The following ATRNL1 variants were observed in gnomAD, a reference collection of about 807,000 sequenced individuals.
The protein encoded by ATRNL1 is attractin-like protein 1.
Under a neutral mutation model 182.7 loss-of-function variants are expected in ATRNL1, and 95 were observed. The observed-to-expected ratio is 0.52, with a 90% CI of 0.44 to 0.62. The LOEUF (loss-of-function observed/expected upper bound fraction) is 0.62. ATRNL1 is among the 20% of genes least tolerant of loss of function. The pLI is 0.00. For synonymous variants in ATRNL1, 576 were observed against 568.3 expected (o/e 1.01, Z -0.19); for missense variants, 1,471 against 1,679.5 (o/e 0.88, Z 2.17).
intron 27 of ATRNL1, among the ~76,000 whole-genome samples, chr10:115,844,554 T>A (rs1302519422): frequency 6.6e-6 from 1 of 152,000 alleles, no homozygotes; most frequent in Non-Finnish European, 1.5e-5. Context: ...TAGAAAGCAT[T>A]TAATATAGAA....
chr10:115,412,250 T>C (rs1224555147), intron 20 of ATRNL1, among the ~76,000 whole-genome samples: 4 of 152,080 alleles, frequency 2.6e-5, no homozygotes, highest in African/African-American at 7.2e-5. Context: ...ACCAAGGCCC[T>C]CGGTCCTATA....
In ATRNL1 at chr10:115,515,601, T is replaced by C. The variant is rs1203037024; in HGVS notation, c.3655-3662T>C. ...TGTTTATTGTCTTCTTTTTAAAATG[T>C]TCTATGGATTAAAAATATATTTTAA... On this transcript the variant is annotated intron_variant, in intron 24 of 28. Transcript: ENST00000355044. 3.9e-5 allele frequency among the ~76,000 whole-genome samples: 6 copies of C among 151,942 alleles called. 1 individual carries two copies. The highest frequency in any genetic ancestry group is 1.4e-4 in the African/African-American group (6 of 41,430).
chr10:115,905,387 ATT>A (rs112510400), intron 28 of ATRNL1, among the ~76,000 whole-genome samples: 3 of 142,300 alleles, frequency 2.1e-5, no homozygotes, highest in Non-Finnish European at 3.1e-5. Context: ...CACCCAGCTA[ATT>A]TTTTTTTTTT....
chr10:115,730,149 C>G (rs1555062217), intron 27 of ATRNL1, among the ~76,000 whole-genome samples: 1 of 147,496 alleles, frequency 6.8e-6, no homozygotes, highest in South Asian at 2.1e-4. Flanking sequence ...CCCAGTTACT[C>G]TGGAATATGA....
At chr10:115,370,470 G>T (rs1857335368) in intron 19 of ATRNL1, among the ~76,000 whole-genome samples, 1 of 152,202 alleles carries the variant, frequency 6.6e-6, no homozygotes, top group Admixed American at 6.5e-5. Context: ...GGCTGAGGTG[G>T]TCTCAGATGG....
chr10:115,835,021 G>T (rs1555094968), intron 27 of ATRNL1, among the ~76,000 whole-genome samples: 1 of 152,084 alleles, frequency 6.6e-6, no homozygotes, highest in African/African-American at 2.4e-5. Context: ...CTTCTCAAGG[G>T]AGTGCTCAGT....
chr10:115,734,936 C>G (rs1947904996), intron 27 of ATRNL1, among the ~76,000 whole-genome samples: 1 of 151,962 alleles, frequency 6.6e-6, no homozygotes, highest in Non-Finnish European at 1.5e-5. Context: ...ACATTTTTCC[C>G]TCTTCCCAAA....
chr10:115,154,977 G>A (rs1846436247), intron 5 of ATRNL1, among the ~76,000 whole-genome samples: 1 of 152,058 alleles, frequency 6.6e-6, no homozygotes, highest in South Asian at 2.1e-4. Flanking sequence ...TATATGTCTA[G>A]GTGCTCCAGT....
intron 9 of ATRNL1, 123 bp from the exon 10 acceptor site, chr10:115,241,448 T>A: frequency 1.9e-6 from 1 of 516,520 alleles, no homozygotes; most frequent in Non-Finnish European, 3.2e-6. Context: ...TTAAAAAATA[T>A]GTTTTTTTCC....
At chr10:115,736,544 A>T (rs1166187485) in intron 27 of ATRNL1, among the ~76,000 whole-genome samples, 1 of 151,986 alleles carries the variant, frequency 6.6e-6, no homozygotes, top group African/African-American at 2.4e-5. Flanking sequence ...TCTGTTGATT[A>T]TTTCTGCTGG....
At chr10:115,328,642 T>C (rs112344684) in intron 18 of ATRNL1, among the ~76,000 whole-genome samples, 24 of 152,268 alleles carry the variant, frequency 1.6e-4, no homozygotes, top group African/African-American at 5.5e-4. Flanking sequence ...ATGAGATCTT[T>C]TTTTTAAAGA....
chr10:115,670,787 G>A (rs143583594), intron 26 of ATRNL1, among the ~76,000 whole-genome samples: 29 of 152,242 alleles, frequency 1.9e-4, no homozygotes, highest in African/African-American at 6.0e-4. Flanking sequence ...GAACACCTGA[G>A]TTCAGGTCAA....
intron 28 of ATRNL1, among the ~76,000 whole-genome samples, chr10:115,896,428 A>G (rs999853390): frequency 5.9e-5 from 9 of 151,678 alleles, no homozygotes; most frequent in Non-Finnish European, 8.9e-5. Context: ...CTTTTATTAT[A>G]GAATGCAAAA....
At chr10:115,440,781 A>G (rs1021345295) in intron 21 of ATRNL1, among the ~76,000 whole-genome samples, 6 of 151,894 alleles carry the variant, frequency 4.0e-5, no homozygotes, top group South Asian at 2.1e-4. Context: ...GGGGGGAAAA[A>G]AAAATCATAT....
chr10:115,729,098 C>T (rs1947707211), intron 27 of ATRNL1, among the ~76,000 whole-genome samples: 1 of 152,062 alleles, frequency 6.6e-6, no homozygotes, highest in South Asian at 2.1e-4. Flanking sequence ...AATTCACAAA[C>T]TCAAGGAACA....
At chr10:115,922,436 A>G (rs112411950) in intron 28 of ATRNL1, among the ~76,000 whole-genome samples, 7 of 152,312 alleles carry the variant, frequency 4.6e-5, no homozygotes, top group South Asian at 2.1e-4. Flanking sequence ...TTTTCATTCT[A>G]TCTATCTAGC....
chr10:115,824,722 C>A (rs1177524935), intron 27 of ATRNL1, among the ~76,000 whole-genome samples: 6 of 152,144 alleles, frequency 3.9e-5, no homozygotes, highest in Non-Finnish European at 7.4e-5. Context: ...CAATGAGATA[C>A]CATCTCACAC....
At chr10:115,489,636 G>T (rs1199798168) in intron 24 of ATRNL1, among the ~76,000 whole-genome samples, 1 of 152,042 alleles carries the variant, frequency 6.6e-6, no homozygotes, top group African/African-American at 2.4e-5. Flanking sequence ...ACATGAGATG[G>T]GTCTCCTGAA....
chr10:115,753,378 A>G (rs1230256711), intron 27 of ATRNL1, among the ~76,000 whole-genome samples: 1 of 151,788 alleles, frequency 6.6e-6, no homozygotes, highest in Non-Finnish European at 1.5e-5. Context: ...CCCTGTGTTC[A>G]TGTGTTCTAA....
Sources: allele counts gnomAD v4.1 joint callset (sites outside exome capture counted in the v4.1 genomes callset), GRCh38; gene constraint gnomAD v4.1.1; transcripts MANE v1.5; gene names NCBI Gene and HGNC (gene_info 2026-07-23, HGNC 2026-07-21).